The following LIPA variants were observed in gnomAD, a reference collection of about 807,000 sequenced individuals.
LIPA encodes lipase A, lysosomal acid type, also known as lysosomal acid lipase/cholesteryl ester hydrolase.
A neutral mutation model predicts 40.6 loss-of-function variants in LIPA; 26 were observed. The ratio of observed to expected loss-of-function variants is 0.64; its 90% CI spans 0.47 to 0.89. LIPA has a LOEUF of 0.89. Among genes scored for constraint, LIPA ranks in the 40% least tolerant of loss-of-function variants. The probability of loss-of-function intolerance (pLI) is 0.00; values close to 1 mark genes in which losing one functional copy is unlikely to be tolerated. For synonymous variants in LIPA, 188 were observed against 168.4 expected (o/e 1.12, Z -0.90); for missense variants, 455 against 479.6 (o/e 0.95, Z 0.48).
intron 1 of LIPA, among the ~76,000 whole-genome samples, chr10:89,322,078 G>A (rs776840774): frequency 6.6e-6 from 1 of 152,184 alleles, no homozygotes; most frequent in Non-Finnish European, 1.5e-5. Flanking sequence ...ATGGGGTAGG[G>A]GGAGGGAGGA....
chr10:89,215,596 G>T (rs1842615335), intron 9 of LIPA, among the ~76,000 whole-genome samples: 1 of 152,198 alleles, frequency 6.6e-6, no homozygotes, highest in South Asian at 2.1e-4. Context: ...TTAGTGCAGG[G>T]AAGAGGCTTA....
chr10:89,403,044 G>A (rs1177920857), intron 2 of LIPA: 4 of 1,614,130 alleles, frequency 2.5e-6, no homozygotes, highest in African/African-American at 1.3e-5. Flanking sequence ...CTTTCGATAT[G>A]CAGCCAAGTT....
intron 1 of LIPA, among the ~76,000 whole-genome samples, chr10:89,296,171 C>T (rs1843413610): frequency 6.6e-6 from 1 of 152,058 alleles, no homozygotes; most frequent in African/African-American, 2.4e-5. Flanking sequence ...ACCTAACATA[C>T]ATTTCTGTAA....
intron 1 of LIPA, among the ~76,000 whole-genome samples, chr10:89,266,136 T>C (rs1843235170): frequency 6.6e-6 from 1 of 152,246 alleles, no homozygotes; most frequent in Non-Finnish European, 1.5e-5. Flanking sequence ...AAACACAGCA[T>C]CGTAGGTGGA....
rs138195390 is a variant in LIPA at position 89,338,879 on chromosome 10, G to C, written c.-2+3732C>G. The stretch of plus-strand genomic sequence containing the variant: ...AACGAGGCAGCCCTGGAATGCTTAC[G>C]GCAAGCTGAAGAGTTAATCCAGCAA... On this transcript the variant is annotated intron_variant, in intron 1 of 5. Coordinates refer to the LIPA transcript ENST00000282673. The C allele has an allele frequency of 3.7e-6, 6 of 1,613,984 alleles. No homozygotes were observed. The highest frequency in any genetic ancestry group is 5.1e-6 in the Non-Finnish European group (6 of 1,180,020).
intron 1 of LIPA, among the ~76,000 whole-genome samples, chr10:89,299,752 TA>T (rs529475314): frequency 0.033 from 4,864 of 147,442 alleles, 178 homozygotes; most frequent in African/African-American, 0.093. Context: ...TGGCTATTAT[TA>T]AAAAAAAAAA....
chr10:89,379,356 A>AT (rs373259566), intron 2 of LIPA, among the ~76,000 whole-genome samples: 177 of 152,328 alleles, frequency 1.2e-3, no homozygotes, highest in African/African-American at 4.0e-3. Context: ...TCTGTGTGTT[A>AT]TAAGTTTTCC....
At chr10:89,385,038 C>T (rs1382824167) in intron 2 of LIPA, 3 of 294,032 alleles carry the variant, frequency 1.0e-5, no homozygotes, top group Non-Finnish European at 1.9e-5. Context: ...ATTGCTATAA[C>T]GTGTGTACTG....
intron 1 of LIPA, among the ~76,000 whole-genome samples, chr10:89,293,150 G>C (rs752446844): frequency 9.9e-5 from 15 of 152,120 alleles, no homozygotes; most frequent in Non-Finnish European, 1.9e-4. Context: ...GTTTTCATGA[G>C]AGCTGATGGT....
chr10:89,412,184 A>G (rs576667421), intron 2 of LIPA, among the ~76,000 whole-genome samples: 4 of 152,116 alleles, frequency 2.6e-5, no homozygotes, highest in African/African-American at 9.6e-5. Flanking sequence ...CCCATCAGCA[A>G]TTGGGGTGTC....
At chr10:89,296,679 T>C (rs553810949) in intron 1 of LIPA, among the ~76,000 whole-genome samples, 45 of 152,212 alleles carry the variant, frequency 3.0e-4, no homozygotes, top group African/African-American at 1.0e-3. Flanking sequence ...AAAAAAATTA[T>C]GGTAAATAAC....
At chr10:89,257,361 GGTGTGTGT>G (rs112130053) in intron 1 of LIPA, among the ~76,000 whole-genome samples, 9 of 151,124 alleles carry the variant, frequency 6.0e-5, no homozygotes, top group African/African-American at 2.2e-4. Flanking sequence ...AGGTAGTAGT[GGTGTGTGT>G]GTGTGTGTGC....
chr10:89,406,170 T>C (rs1844527615), intron 2 of LIPA: 1 of 152,242 alleles, frequency 6.6e-6, no homozygotes, highest in Non-Finnish European at 1.5e-5. Context: ...ACGTGTGCCA[T>C]GGCGGTTTGC....
chr10:89,248,084 C>T (rs1348937908), intron 1 of LIPA, among the ~76,000 whole-genome samples: 2 of 151,588 alleles, frequency 1.3e-5, no homozygotes, highest in Non-Finnish European at 2.9e-5. Flanking sequence ...CTAGGCTGGT[C>T]TCGAACTCCT....
At chr10:89,331,763 A>G (rs1843654045) in intron 1 of LIPA, among the ~76,000 whole-genome samples, 1 of 146,068 alleles carries the variant, frequency 6.8e-6, no homozygotes, top group Non-Finnish European at 1.5e-5. Flanking sequence ...AGAGGCTGAG[A>G]TGGGAGGATC....
At chr10:89,245,637 G>C in intron 3 of LIPA, 39 bp downstream of exon 3, 1 of 1,041,920 alleles carries the variant, frequency 9.6e-7, no homozygotes, top group Non-Finnish European at 1.5e-6. Flanking sequence ...ACAAAACCCA[G>C]AAGAATTCTG....
At chr10:89,299,290 A>C (rs374776190) in intron 1 of LIPA, among the ~76,000 whole-genome samples, 3 of 152,020 alleles carry the variant, frequency 2.0e-5, no homozygotes, top group African/African-American at 7.2e-5. Flanking sequence ...AAATAATCCA[A>C]TAAGACGAAA....
chr10:89,363,255 T>C (rs1844034111), intron 2 of LIPA: 1 of 154,304 alleles, frequency 6.5e-6, no homozygotes, highest in South Asian at 2.0e-4. Flanking sequence ...AGATTAGTTA[T>C]ATCTCATGTT....
At chr10:89,414,100 G>A (rs1284562568) in intron 1 of LIPA, among the ~76,000 whole-genome samples, 38 of 152,168 alleles carry the variant, frequency 2.5e-4, no homozygotes, top group Non-Finnish European at 1.5e-5. Context: ...GGGTAAGAGT[G>A]GATTTTTAAA....
Sources: gnomAD v4.1 joint callset for allele counts (sites outside exome capture counted in the v4.1 genomes callset) on GRCh38, gnomAD v4.1.1 for gene constraint, MANE v1.5 for transcripts, NCBI Gene and HGNC (gene_info 2026-07-23, HGNC 2026-07-21) for gene names.